IFI44L: variants seen among roughly 807,000 people sequenced by gnomAD.
The protein encoded by IFI44L is interferon induced protein 44 like, also known as interferon-induced protein 44-like.
Under a neutral mutation model 39.3 loss-of-function variants are expected in IFI44L, and 40 were observed. That is an observed-to-expected ratio of 1.02 (90% CI 0.79 to 1.33). The LOEUF (loss-of-function observed/expected upper bound fraction) is 1.33, where lower values mean the gene tolerates loss of function less well. Among genes scored for constraint, IFI44L ranks in the 40% most tolerant of loss-of-function variants. IFI44L has a pLI of 0.00. For synonymous variants in IFI44L, 198 were observed against 182.3 expected, an observed-to-expected ratio of 1.09 and a Z score of -0.69; for missense variants, 623 against 549.0, an observed-to-expected ratio of 1.13 and a Z score of -1.35.
intron 6 of IFI44L, among the ~76,000 whole-genome samples, chr1:78,638,230 T>C (rs1171799864): frequency 1.3e-5 from 2 of 152,162 alleles, no homozygotes; most frequent in Non-Finnish European, 2.9e-5. Flanking sequence ...GCCTTCTGTA[T>C]AGCTTGTTTA....
chr1:78,629,147 C>A, intron 3 of IFI44L, 148 bp downstream of exon 3: 1 of 643,218 alleles, frequency 1.6e-6, no homozygotes, highest in South Asian at 1.9e-5. Flanking sequence ...ATAACAAAAG[C>A]ACTACTAACT....
intron 4 of IFI44L, among the ~76,000 whole-genome samples, chr1:78,634,021 G>A (rs1652849320): frequency 6.6e-6 from 1 of 151,916 alleles, no homozygotes; most frequent in Admixed American, 6.6e-5. Context: ...TGAAAATATA[G>A]ATAGAGAATA....
chr1:78,637,582 A>G (rs1194843003), intron 6 of IFI44L, among the ~76,000 whole-genome samples: 1 of 152,106 alleles, frequency 6.6e-6, no homozygotes, highest in Non-Finnish European at 1.5e-5. Context: ...GCAACCAAAT[A>G]TTACATCACT....
intron 4 of IFI44L, among the ~76,000 whole-genome samples, chr1:78,634,425 G>T (rs1652864407): frequency 6.6e-6 from 1 of 152,032 alleles, no homozygotes; most frequent in Non-Finnish European, 1.5e-5. Context: ...TATTCAAAGT[G>T]CTAAAAGAAA....
In IFI44L at chr1:78,641,505, A is replaced by G. The variant is rs1415406118; in HGVS notation, c.1220A>G (p.Asp407Gly). The change falls in exon 8 of 9, where the codon GAT becomes GGT. Residue 407 changes from aspartate (D) to glycine (G), a missense_variant. Physicochemically the swap from Asp to Gly is moderately conservative, Grantham distance 94 (BLOSUM62 -1). Coordinates refer to ENST00000370751, the MANE Select transcript of IFI44L (RefSeq NM_006820.4). ...TTGATGGTTGGAAATTATGCTTCAG[A>G]TTTGGAACTGGACCCCATGAAGGAT... ...NILMVGNYAS[D>G]LELDPMKDIL... 4.3e-6 allele frequency: 7 copies of G among 1,613,694 alleles called. No homozygotes were observed. The highest frequency in any genetic ancestry group is 5.9e-6 in the Non-Finnish European group (7 of 1,179,708).
At chr1:78,621,421 A>C (rs1652269568) in intron 1 of IFI44L, among the ~76,000 whole-genome samples, 2 of 151,892 alleles carry the variant, frequency 1.3e-5, no homozygotes, top group African/African-American at 4.8e-5. Flanking sequence ...ACAGGCGTGC[A>C]CCAGCATGCC....
chr1:78,637,737 GC>G (rs1340106288), intron 6 of IFI44L, among the ~76,000 whole-genome samples: 6 of 151,932 alleles, frequency 3.9e-5, no homozygotes, highest in Non-Finnish European at 8.8e-5. Context: ...TTTGAGACTG[GC>G]TTTTTTGACT....
At chr1:78,623,387 GTGTTTTT>G (rs1160321517) in intron 1 of IFI44L, among the ~76,000 whole-genome samples, 1 of 45,426 alleles carries the variant, frequency 2.2e-5, no homozygotes, top group Non-Finnish European at 5.0e-5. Context: ...CCTGGTTTAA[GTGTTTTT>G]TGTTTTTTTT....
chr1:78,628,547 A>G lies in IFI44L; in HGVS notation c.478+154A>G, dbSNP rs575376670. The G allele has an allele frequency of 6.4e-5, 39 of 609,008 alleles. No individual in the cohort carries two copies. In the African/African-American group the frequency reaches 6.8e-4, roughly 11 times the overall value. The allele number at this position is 609,008 out of a possible 1,614,324, so 37.7% of individuals were successfully genotyped here. A position where few individuals can be genotyped will look rare whatever the true frequency, so the allele number is the denominator to read the frequency against. On this transcript the variant is annotated intron_variant, in intron 2 of 8. Coordinates refer to ENST00000370751, the MANE Select transcript of IFI44L (RefSeq NM_006820.4). The stretch of plus-strand genomic sequence containing the variant: ...AATTCTGAAATGAAACGTGGGGAAC[A>G]TAAGGATTATGAGGTTTTTATCCAG...
At chr1:78,635,705 T>C in intron 5 of IFI44L, 1 of 547,552 alleles carries the variant, frequency 1.8e-6, no homozygotes, top group Non-Finnish European at 3.2e-6. Flanking sequence ...GGCAGGATTC[T>C]ACTCATTTGC....
chr1:78,636,651 A>C (rs1190112038), intron 5 of IFI44L: 3 of 165,052 alleles, frequency 1.8e-5, no homozygotes, highest in Non-Finnish European at 3.9e-5. Context: ...TATTCTCTCT[A>C]TCCAGTTCAT....
At chr1:78,622,609 T>C (rs1652317179) in intron 1 of IFI44L, among the ~76,000 whole-genome samples, 2 of 152,130 alleles carry the variant, frequency 1.3e-5, no homozygotes, top group Admixed American at 1.3e-4. Context: ...CGGTAACAAA[T>C]AGAATTTGGC....
Position 78,623,396 on chromosome 1 carries a change from G to GTTTTTTTTTTTTTTTT in IFI44L, c.-11+2840_-11+2855dup, listed in dbSNP as rs71078508. On this transcript the variant is annotated intron_variant, in intron 1 of 8. Coordinates refer to ENST00000370751, the MANE Select transcript of IFI44L (RefSeq NM_006820.4). ...TCTACTCCTGGTTTAAGTGTTTTTT[G>GTTTTTTTTTTTTTTTT]TTTTTTTTTTTTTTTTTTTTTTTTT... Among the ~76,000 whole-genome samples the GTTTTTTTTTTTTTTTT allele has an allele frequency of 7.4e-5, 9 of 121,326 alleles. 1 individual carries two copies. The highest frequency in any genetic ancestry group is 1.4e-4 in the African/African-American group (4 of 28,982). 79.6% of individuals were successfully genotyped at this position (121,326 alleles called of 152,430 possible). A position where few individuals can be genotyped will look rare whatever the true frequency, so the allele number is the denominator to read the frequency against.
chr1:78,640,008 A>G (rs1471062260), intron 6 of IFI44L, among the ~76,000 whole-genome samples: 1 of 152,152 alleles, frequency 6.6e-6, no homozygotes, highest in African/African-American at 2.4e-5. Flanking sequence ...TCTGAACTTA[A>G]TAAACTGTCT....
intron 4 of IFI44L, 49 bp downstream of exon 4, chr1:78,629,964 T>C (rs1652687874): frequency 6.7e-7 from 1 of 1,492,652 alleles, no homozygotes; most frequent in Non-Finnish European, 9.3e-7. Context: ...AATTATTATA[T>C]TGCTTATGTC....
rs1647010535 is a variant in IFI44L at position 78,643,422 on chromosome 1, T to C, written c.*1613T>C. On this transcript the variant is annotated 3_prime_UTR_variant, in exon 9 of 9. Coordinates refer to ENST00000370751, the MANE Select transcript of IFI44L (RefSeq NM_006820.4). ...CACCAATATACCAAAACAGCAGGTA[T>C]TGCAGTAGAGAAAGAGTTTAATAAT... 6.6e-6 allele frequency: 1 copy of C among 152,090 alleles called. No individual in the cohort carries two copies. The highest frequency in any genetic ancestry group is 1.5e-5 in the Non-Finnish European group (1 of 68,026). The allele number at this position is 152,090 out of a possible 1,614,324, so 9.4% of individuals were successfully genotyped here.
At chr1:78,639,258 A>G (rs1053733452) in intron 6 of IFI44L, among the ~76,000 whole-genome samples, 2 of 152,106 alleles carry the variant, frequency 1.3e-5, no homozygotes, top group Non-Finnish European at 2.9e-5. Flanking sequence ...GTGCAGGTAT[A>G]AATGTCCTGG....
intron 1 of IFI44L, among the ~76,000 whole-genome samples, chr1:78,624,781 A>G (rs1366574771): frequency 6.6e-6 from 1 of 152,150 alleles, no homozygotes; most frequent in East Asian, 1.9e-4. Flanking sequence ...ACATATATTT[A>G]TAACGGTTAT....
At chr1:78,621,807 A>G (rs1264739237) in intron 1 of IFI44L, among the ~76,000 whole-genome samples, 2 of 152,048 alleles carry the variant, frequency 1.3e-5, no homozygotes, top group Non-Finnish European at 2.9e-5. Flanking sequence ...TTTTATTGAT[A>G]CATAATACAT....
Sources: allele counts gnomAD v4.1 joint callset (sites outside exome capture counted in the v4.1 genomes callset), GRCh38; gene constraint gnomAD v4.1.1; transcripts MANE v1.5; gene names NCBI Gene and HGNC (gene_info 2026-07-23, HGNC 2026-07-21).